Variants in AUH observed in about 807,000 individuals in gnomAD.
The protein encoded by AUH is methylglutaconyl-CoA hydratase, mitochondrial.
Under a neutral mutation model 42.3 loss-of-function variants are expected in AUH, and 29 were observed. The observed-to-expected ratio is 0.69, with a 90% confidence interval of 0.51 to 0.93. The LOEUF is 0.93. AUH is among the 40% of genes least tolerant of loss of function. The pLI is 0.00. For missense variants in AUH, 452 were observed against 438.1 expected (o/e 1.03, Z -0.28); for synonymous variants, 174 against 166.4 (o/e 1.05, Z -0.35).
At chr9:91,260,713 T>G (rs557721516) in intron 6 of AUH, among the ~76,000 whole-genome samples, 1 of 152,316 alleles carries the variant, frequency 6.6e-6, no homozygotes, top group Non-Finnish European at 1.5e-5. Context: ...TTTTAAAATA[T>G]TCTTTCTTTC....
chr9:91,238,609 G>T (rs1828322555), intron 6 of AUH, among the ~76,000 whole-genome samples: 1 of 152,198 alleles, frequency 6.6e-6, no homozygotes, highest in Middle Eastern at 3.2e-3. Flanking sequence ...GTATCACTTG[G>T]ATAGAATAAA....
At chr9:91,281,972 C>A (rs945937351) in intron 6 of AUH, among the ~76,000 whole-genome samples, 3 of 152,090 alleles carry the variant, frequency 2.0e-5, no homozygotes, top group African/African-American at 7.2e-5. Context: ...GCACGTCACA[C>A]CTCTGCTGAA....
intron 3 of AUH, among the ~76,000 whole-genome samples, chr9:91,329,101 T>C (rs1390652378): frequency 1.3e-5 from 2 of 152,216 alleles, no homozygotes; most frequent in African/African-American, 2.4e-5. Flanking sequence ...AGTATTCCAC[T>C]GTATGAACAT....
chr9:91,271,378 C>T (rs558521159), intron 6 of AUH, among the ~76,000 whole-genome samples: 1 of 152,318 alleles, frequency 6.6e-6, no homozygotes, highest in African/African-American at 2.4e-5. Flanking sequence ...TGACAGCTAC[C>T]AGTTATATTT....
At chr9:91,266,383 A>G (rs1829979479) in intron 6 of AUH, among the ~76,000 whole-genome samples, 1 of 151,686 alleles carries the variant, frequency 6.6e-6, no homozygotes, top group Admixed American at 6.6e-5. Context: ...ATAAATAAAT[A>G]AATAAATAAA....
intron 6 of AUH, among the ~76,000 whole-genome samples, chr9:91,290,411 T>A (rs191875203): frequency 6.6e-6 from 1 of 151,996 alleles, no homozygotes; most frequent in East Asian, 1.9e-4. Context: ...CAAGACCCTG[T>A]CTCCAAACAA....
At chr9:91,215,975 T>C (rs904882597) in intron 9 of AUH, 84 bp downstream of exon 9, 2 of 1,403,214 alleles carry the variant, frequency 1.4e-6, no homozygotes, top group African/African-American at 2.8e-5. Context: ...GTAATCTTGC[T>C]CAGTGAAATT....
intron 3 of AUH, 127 bp from the exon 4 acceptor site, chr9:91,325,531 C>A: frequency 1.3e-6 from 1 of 765,710 alleles, no homozygotes. Context: ...AATAGAATGA[C>A]ATTACCTCAG....
chr9:91,214,323 G>T lies in AUH; in HGVS notation c.*25C>A. 1 of 1,569,118 alleles carries T rather than the reference G, an allele frequency of 6.4e-7. No individual in the cohort carries two copies. The highest frequency in any genetic ancestry group is 8.7e-7 in the Non-Finnish European group (1 of 1,144,918). On this transcript the variant is annotated 3_prime_UTR_variant, in exon 10 of 10. Coordinates refer to ENST00000375731, the MANE Select transcript of AUH (RefSeq NM_001698.3). The stretch of plus-strand genomic sequence containing the variant: ...TTCCAGGAAGTACATTTATTACATT[G>T]GCATCTTAAGAATTTCTGTTCCTTT...
chr9:91,298,194 T>C (rs1827503593), intron 4 of AUH, 118 bp from the exon 5 acceptor site: 2 of 756,656 alleles, frequency 2.6e-6, no homozygotes, highest in Non-Finnish European at 4.6e-6. Context: ...TACAGACTTT[T>C]GTATCCCTTT....
At position 91,221,008 on chromosome 9, in the gene AUH, G is replaced by C; in HGVS notation, c.656-16C>G. On this transcript the variant is annotated splice_polypyrimidine_tract_variant and intron_variant, in intron 6 of 9. Transcript: ENST00000375731. ...TGTGTCCCCCCTGAGGGGTGAAAGA[G>C]AGAGAAAAGGCAATGATTTGACACC... 6.2e-7 allele frequency: 1 copy of C among 1,613,696 alleles called. No individual in the cohort carries two copies.
intron 6 of AUH, among the ~76,000 whole-genome samples, chr9:91,226,427 G>A (rs1827486889): frequency 6.6e-6 from 1 of 150,812 alleles, no homozygotes; most frequent in Non-Finnish European, 1.5e-5. Flanking sequence ...ATTTGTTTGA[G>A]TTCATTGTAG....
intron 6 of AUH, among the ~76,000 whole-genome samples, chr9:91,285,915 C>T (rs1357051853): frequency 6.6e-6 from 1 of 152,154 alleles, no homozygotes; most frequent in African/African-American, 2.4e-5. Context: ...GGAAGTGCTA[C>T]ACTAAACCCA....
At chr9:91,317,472 G>T (rs1322422269) in intron 4 of AUH, among the ~76,000 whole-genome samples, 1 of 152,054 alleles carries the variant, frequency 6.6e-6, no homozygotes, top group Non-Finnish European at 1.5e-5. Context: ...TTTGTCTGTT[G>T]TTGGTATAAA....
chr9:91,356,691 A>C (rs1256870144), intron 1 of AUH, among the ~76,000 whole-genome samples: 2 of 152,178 alleles, frequency 1.3e-5, no homozygotes, highest in Middle Eastern at 3.4e-3. Flanking sequence ...CCCAGCTGTC[A>C]CTCCTAACTG....
At chr9:91,357,078 G>A (rs530376664) in intron 1 of AUH, among the ~76,000 whole-genome samples, 6 of 152,342 alleles carry the variant, frequency 3.9e-5, no homozygotes, top group African/African-American at 1.4e-4. Context: ...GCTCACAAGA[G>A]TAAATTTGCA....
chr9:91,233,254 G>A (rs1317599643), intron 6 of AUH, among the ~76,000 whole-genome samples: 2 of 152,186 alleles, frequency 1.3e-5, no homozygotes, highest in Non-Finnish European at 2.9e-5. Flanking sequence ...GCTGAGGCAG[G>A]AGGTAGCAAG....
At position 91,358,564 on chromosome 9, in the gene AUH, G is replaced by A. The variant is rs1044264073; in HGVS notation, c.263-2409C>T. On this transcript the variant is annotated intron_variant, in intron 1 of 9. Coordinates refer to ENST00000375731, the MANE Select transcript of AUH (RefSeq NM_001698.3). ...CACTCCATGGGACTGTATTAGAATC[G>A]AATGATATGATACATGTAAAATTTA... is the stretch of plus-strand genomic sequence containing the variant. Among the ~76,000 whole-genome samples, 3 of 152,076 alleles carry A rather than the reference G, an allele frequency of 2.0e-5. No homozygotes were observed. The East Asian group carries it at 5.8e-4, about 29-fold the overall frequency.
At chr9:91,327,402 A>T (rs192396998) in intron 3 of AUH, among the ~76,000 whole-genome samples, 1 of 152,278 alleles carries the variant, frequency 6.6e-6, no homozygotes, top group African/African-American at 2.4e-5. Flanking sequence ...CTTCTGGATG[A>T]TGCCTTTTAA....
Sources: gnomAD v4.1 joint callset for allele counts (sites outside exome capture counted in the v4.1 genomes callset) on GRCh38, gnomAD v4.1.1 for gene constraint, MANE v1.5 for transcripts, NCBI Gene and HGNC (gene_info 2026-07-23, HGNC 2026-07-21) for gene names.